The following SHROOM4 variants were observed in gnomAD, a reference collection of about 807,000 sequenced individuals.
The protein encoded by SHROOM4 is protein Shroom4.
Under a neutral mutation model 80.3 loss-of-function variants are expected in SHROOM4, and 17 were observed. The ratio of observed to expected loss-of-function variants is 0.21; its 90% confidence interval spans 0.14 to 0.32. SHROOM4 has a LOEUF of 0.32. Ranked by LOEUF, SHROOM4 falls within the 10% of genes least tolerant of loss-of-function variation. SHROOM4 has a pLI of 1.00. For synonymous variants in SHROOM4, 400 were observed against 437.5 expected (o/e 0.91, Z 1.07); for missense variants, 993 against 1,140.3 (o/e 0.87, Z 1.86).
intron 1 of SHROOM4, among the ~76,000 whole-genome samples, chrX:50,723,373 G>GGAGGGAGC (rs1934168217): frequency 2.2e-5 from 1 of 45,559 alleles, no homozygotes; most frequent in Admixed American, 2.7e-4. Context: ...AAGGAGGGAG[G>GGAGGGAGC]GAGGGAGGGA....
chrX:50,701,031 C>T (rs1403265188), intron 1 of SHROOM4, among the ~76,000 whole-genome samples: 1 of 111,714 alleles, frequency 9.0e-6, no homozygotes, highest in Non-Finnish European at 1.9e-5. Flanking sequence ...GCTCCCCTGA[C>T]CTTGAGCCAA....
chrX:50,616,141 C>T (rs1042252504), intron 5 of SHROOM4, among the ~76,000 whole-genome samples: 31 of 112,334 alleles, frequency 2.8e-4, no homozygotes, highest in African/African-American at 9.7e-4. Flanking sequence ...CGCCCTTCAG[C>T]CTTGTCCAAT....
chrX:50,595,798 G>GA lies in SHROOM4; in HGVS notation c.*896dup, dbSNP rs782807086. 3 of 309,280 alleles carry GA rather than the reference G, an allele frequency of 9.7e-6. No homozygotes were observed. Among genetic ancestry groups the GA allele is most frequent in the South Asian group, 8.8e-5 (3 of 34,218 alleles). The allele number at this position is 309,280 out of a possible 1,213,427, so 25.5% of individuals were successfully genotyped here. On this transcript the variant is annotated 3_prime_UTR_variant, in exon 9 of 9. Transcript: ENST00000376020. ...TCTTCTCGCCTTATTAGTTAAAAAA[G>GA]AAAAAAATAATCAAAACATAAAAAT...
chrX:50,682,453 C>T (rs1043904695), intron 2 of SHROOM4, among the ~76,000 whole-genome samples: 64 of 111,481 alleles, frequency 5.7e-4, no homozygotes, highest in African/African-American at 2.0e-3. Flanking sequence ...AGCATGTAAC[C>T]CTGCTAAGCA....
Position 50,695,869 on chromosome X carries a change from A to G in SHROOM4, c.186T>C (p.Asn62=). The G allele has an allele frequency of 8.3e-7, 1 of 1,211,659 alleles. No individual in the cohort carries two copies. The highest frequency in any genetic ancestry group is 1.8e-5 in the South Asian group (1 of 56,964). Residue 62 remains asparagine, a synonymous_variant, in exon 2 of 9, where the codon AAT becomes AAC. Coordinates refer to ENST00000376020, the MANE Select transcript of SHROOM4 (RefSeq NM_020717.5). ...GGCGGGAGCCATATAATGGAGTGCC[A>G]TTGATATTCACCAGCTCATCACCAG... The part of the protein sequence containing the change: ...MRTGDELVNI[N]GTPLYGSRQE...
intron 2 of SHROOM4, among the ~76,000 whole-genome samples, chrX:50,677,342 T>C (rs1171465162): frequency 9.0e-6 from 1 of 111,521 alleles, no homozygotes; most frequent in Admixed American, 9.5e-5. Flanking sequence ...GTTTATTGTT[T>C]TTAAAAATTG....
At chrX:50,731,258 G>A (rs1934364619) in intron 1 of SHROOM4, among the ~76,000 whole-genome samples, 1 of 108,854 alleles carries the variant, frequency 9.2e-6, no homozygotes, top group African/African-American at 3.3e-5. Context: ...TGTGGTATCT[G>A]AACAAAAACT....
In SHROOM4 at chrX:50,589,907, T is replaced by C. The variant is rs1928832883; in HGVS notation, c.*6788A>G. On this transcript the variant is annotated 3_prime_UTR_variant, in exon 9 of 9. Transcript: ENST00000376020. ...TACATCCCCATCAGCAATGTATGAG[T>C]GTTCCAATTTCTTCATTTCCTCACC... Among the ~76,000 whole-genome samples the C allele has an allele frequency of 8.9e-6, 1 of 112,223 alleles. No individual in the cohort carries two copies. Among genetic ancestry groups the C allele is most frequent in the African/African-American group, 3.2e-5 (1 of 30,875 alleles).
At chrX:50,776,401 C>T (rs1351216502) in intron 1 of SHROOM4, among the ~76,000 whole-genome samples, 3 of 111,399 alleles carry the variant, frequency 2.7e-5, no homozygotes, top group African/African-American at 9.8e-5. Flanking sequence ...AGACACAGCA[C>T]CAAATGCTTA....
At chrX:50,717,981 G>A (rs1483993202) in intron 1 of SHROOM4, among the ~76,000 whole-genome samples, 1 of 111,593 alleles carries the variant, frequency 9.0e-6, no homozygotes, top group African/African-American at 3.3e-5. Flanking sequence ...AGAAGACCAA[G>A]AAAGTGCCCT....
At chrX:50,691,805 A>G (rs1442614992) in intron 2 of SHROOM4, among the ~76,000 whole-genome samples, 2 of 111,736 alleles carry the variant, frequency 1.8e-5, no homozygotes, top group African/African-American at 3.3e-5. Context: ...TAGGGTAATC[A>G]CACTTCTTTT....
chrX:50,617,063 C>G (rs1930271880), intron 5 of SHROOM4, among the ~76,000 whole-genome samples: 1 of 111,966 alleles, frequency 8.9e-6, no homozygotes, highest in Non-Finnish European at 1.9e-5. Flanking sequence ...TCTTCCCTAA[C>G]CAGGGCACAG....
intron 1 of SHROOM4, among the ~76,000 whole-genome samples, chrX:50,709,056 G>A (rs1463089092): frequency 9.0e-6 from 1 of 111,028 alleles, no homozygotes; most frequent in Non-Finnish European, 1.9e-5. Flanking sequence ...AGGGGTGGGG[G>A]ACGGAGGAAA....
intron 1 of SHROOM4, among the ~76,000 whole-genome samples, chrX:50,700,586 G>C (rs973025121): frequency 1.8e-5 from 2 of 111,802 alleles, no homozygotes; most frequent in Non-Finnish European, 3.8e-5. Flanking sequence ...ATCATGCTAG[G>C]AGAAATTAAT....
Position 50,715,358 on chromosome X carries a change from G to A in SHROOM4, c.118-19421C>T, listed in dbSNP as rs187666839. ...ATACCTGTGTCCCCAGCACCTATGG[G>A]TGCTCAGTAGATGTGTGTTGCACTG... is the stretch of plus-strand genomic sequence containing the variant. On this transcript the variant is annotated intron_variant, in intron 1 of 8. Coordinates refer to ENST00000376020, the MANE Select transcript of SHROOM4 (RefSeq NM_020717.5). Among the ~76,000 whole-genome samples the A allele has an allele frequency of 3.5e-4, 39 of 111,505 alleles. 1 individual carries two copies. Among genetic ancestry groups the A allele is most frequent in the South Asian group, 2.7e-3 (7 of 2,634 alleles).
intron 2 of SHROOM4, among the ~76,000 whole-genome samples, chrX:50,690,120 T>C (rs1933185083): frequency 8.9e-6 from 1 of 112,354 alleles, no homozygotes; most frequent in African/African-American, 3.2e-5. Flanking sequence ...AGTTTCTCTT[T>C]GATAATTGTT....
chrX:50,744,382 A>C, intron 1 of SHROOM4, among the ~76,000 whole-genome samples: 1 of 111,435 alleles, frequency 9.0e-6, no homozygotes, highest in East Asian at 2.8e-4. Flanking sequence ...TGTTGGCCTT[A>C]AGAATTTTTG....
intron 2 of SHROOM4, among the ~76,000 whole-genome samples, chrX:50,657,832 T>A (rs1368698711): frequency 9.0e-6 from 1 of 111,697 alleles, no homozygotes; most frequent in Non-Finnish European, 1.9e-5. Flanking sequence ...CCAAACTAAT[T>A]CTTTTTTGCT....
chrX:50,812,317 T>TAAAAAAA (rs34184946), intron 1 of SHROOM4, among the ~76,000 whole-genome samples: 1 of 66,794 alleles, frequency 1.5e-5, no homozygotes, highest in African/African-American at 5.7e-5. Flanking sequence ...GTGTTTTTGT[T>TAAAAAAA]AAAAAAAAAA....
Sources: allele counts gnomAD v4.1 joint callset (sites outside exome capture counted in the v4.1 genomes callset), GRCh38; gene constraint gnomAD v4.1.1; transcripts MANE v1.5; gene names NCBI Gene and HGNC (gene_info 2026-07-23, HGNC 2026-07-21).